The following AMPH variants were observed in gnomAD, a reference collection of about 807,000 sequenced individuals.
AMPH encodes amphiphysin (Stiff-Mann syndrome with breast cancer 128kD autoantigen).
In AMPH, 49 loss-of-function variants were observed where a neutral mutation model predicts 99.1. That is an observed-to-expected ratio of 0.49 (90% CI 0.39 to 0.63). The LOEUF (loss-of-function observed/expected upper bound fraction) is 0.63, where lower values mean the gene tolerates loss of function less well. Among genes scored for constraint, AMPH ranks in the 20% least tolerant of loss-of-function variants. The probability of loss-of-function intolerance (pLI) is 0.00; values close to 1 mark genes in which losing one functional copy is unlikely to be tolerated. For missense variants in AMPH, 759 were observed against 863.4 expected (o/e 0.88, Z 1.52); for synonymous variants, 314 against 317.3 (o/e 0.99, Z 0.11).
chr7:38,477,240 C>A (rs558684823), intron 5 of AMPH, among the ~76,000 whole-genome samples: 2 of 152,042 alleles, frequency 1.3e-5, no homozygotes, highest in East Asian at 3.9e-4. Context: ...CAGTCAAAGA[C>A]CAGAAAATAA....
chr7:38,500,120 G>A (rs1789081980), intron 3 of AMPH, among the ~76,000 whole-genome samples: 1 of 152,194 alleles, frequency 6.6e-6, no homozygotes, highest in African/African-American at 2.4e-5. Flanking sequence ...AACCCAAAAT[G>A]TGTTCCCAGG....
chr7:38,438,381 C>A (rs1786372063), intron 11 of AMPH, among the ~76,000 whole-genome samples: 1 of 152,168 alleles, frequency 6.6e-6, no homozygotes, highest in Admixed American at 6.5e-5. Flanking sequence ...GATCTATTGT[C>A]ATGGCCCCCA....
intron 17 of AMPH, among the ~76,000 whole-genome samples, chr7:38,395,206 G>A (rs1266341122): frequency 6.9e-6 from 1 of 145,976 alleles, no homozygotes. Context: ...GGTTCCAGAA[G>A]CCAAATCACT....
Position 38,562,008 on chromosome 7 carries a change from A to T in AMPH, c.70-26997T>A, listed in dbSNP as rs115759959. On this transcript the variant is annotated intron_variant, in intron 1 of 20. Transcript: ENST00000356264. ...TATGGCAGCCGAGGCTGACTAAGAC[A>T]GAAGACTTTTCCAAAAACGGTGGGA... Among the ~76,000 whole-genome samples the T allele has an allele frequency of 5.9e-3, 892 of 151,622 alleles. 13 individuals are homozygous for T. The highest frequency in any genetic ancestry group is 0.02 in the African/African-American group (844 of 41,240).
intron 20 of AMPH, among the ~76,000 whole-genome samples, chr7:38,389,519 G>T (rs1025460308): frequency 8.5e-5 from 13 of 152,144 alleles, no homozygotes; most frequent in African/African-American, 3.1e-4. Flanking sequence ...CATAGTGTCT[G>T]CATTTCCTGA....
At chr7:38,495,992 C>T (rs911358657) in intron 3 of AMPH, among the ~76,000 whole-genome samples, 20 of 152,224 alleles carry the variant, frequency 1.3e-4, no homozygotes, top group East Asian at 1.2e-3. Flanking sequence ...GATGCGCCTC[C>T]GGCAGAAGAC....
intron 1 of AMPH, among the ~76,000 whole-genome samples, chr7:38,539,651 A>T (rs545224132): frequency 2.0e-5 from 3 of 152,326 alleles, no homozygotes; most frequent in East Asian, 1.9e-4. Flanking sequence ...AAATGACCAG[A>T]TCATCTGCTG....
At chr7:38,503,783 G>C (rs922207582) in intron 2 of AMPH, 79 bp from the exon 3 acceptor site, 6 of 1,412,340 alleles carry the variant, frequency 4.2e-6, no homozygotes, top group African/African-American at 4.2e-5. Context: ...AAGTCTCAAA[G>C]TTACTATTGC....
intron 3 of AMPH, among the ~76,000 whole-genome samples, chr7:38,498,894 A>G (rs558845112): frequency 3.5e-4 from 53 of 152,256 alleles, no homozygotes; most frequent in African/African-American, 1.2e-3. Flanking sequence ...TTCTGCTTGC[A>G]TCTCACTGCT....
chr7:38,436,488 A>G (rs7796349), intron 11 of AMPH, 100 bp from the exon 12 acceptor site: 1 of 871,370 alleles, frequency 1.1e-6, no homozygotes, highest in South Asian at 1.5e-5. Flanking sequence ...ATTATTATTG[A>G]GTATCTCCAA....
At chr7:38,465,662 C>CT (rs1296896006) in intron 8 of AMPH, 113 bp from the exon 9 acceptor site, 1 of 874,530 alleles carries the variant, frequency 1.1e-6, no homozygotes, top group Non-Finnish European at 1.8e-6. Context: ...TTTATGATAG[C>CT]TTGGATGGCC....
chr7:38,620,865 A>G (rs934639661), intron 1 of AMPH, among the ~76,000 whole-genome samples: 9 of 152,180 alleles, frequency 5.9e-5, no homozygotes, highest in African/African-American at 2.2e-4. Flanking sequence ...GCTCTGTGTC[A>G]AGGGGGCAAC....
At chr7:38,424,030 A>T (rs1785691281) in intron 15 of AMPH, among the ~76,000 whole-genome samples, 1 of 152,134 alleles carries the variant, frequency 6.6e-6, no homozygotes, top group South Asian at 2.1e-4. Flanking sequence ...TTTTTTCCCC[A>T]ATCACCTCCA....
chr7:38,517,453 C>T (rs1325365494), intron 2 of AMPH, among the ~76,000 whole-genome samples: 1 of 152,200 alleles, frequency 6.6e-6, no homozygotes, highest in African/African-American at 2.4e-5. Context: ...TCCTCTTCAC[C>T]TTCTGCCATA....
intron 1 of AMPH, among the ~76,000 whole-genome samples, chr7:38,583,034 T>C (rs1792522419): frequency 6.6e-6 from 1 of 152,226 alleles, no homozygotes; most frequent in Non-Finnish European, 1.5e-5. Context: ...TCATGGTTTA[T>C]TACTGATGGG....
At chr7:38,519,635 C>G (rs1789877808) in intron 2 of AMPH, among the ~76,000 whole-genome samples, 1 of 152,102 alleles carries the variant, frequency 6.6e-6, no homozygotes, top group Non-Finnish European at 1.5e-5. Flanking sequence ...AAGACTGAAA[C>G]AACTGTGTCC....
intron 7 of AMPH, among the ~76,000 whole-genome samples, chr7:38,470,232 C>A (rs1180770662): frequency 6.6e-6 from 1 of 152,150 alleles, no homozygotes; most frequent in African/African-American, 2.4e-5. Context: ...AGAAAGCTCC[C>A]CTTGCCCTCT....
chr7:38,599,819 ATAT>A (rs1322144913), intron 1 of AMPH, among the ~76,000 whole-genome samples: 1 of 151,540 alleles, frequency 6.6e-6, no homozygotes, highest in Non-Finnish European at 1.5e-5. Flanking sequence ...TGTATTGTAA[ATAT>A]TATTTTAATA....
chr7:38,544,777 G>A (rs1471023636), intron 1 of AMPH, among the ~76,000 whole-genome samples: 1 of 152,164 alleles, frequency 6.6e-6, no homozygotes, highest in Non-Finnish European at 1.5e-5. Flanking sequence ...ACAAGCAAAA[G>A]CTCCTAGCTT....
Sources: gnomAD v4.1 joint callset for allele counts (sites outside exome capture counted in the v4.1 genomes callset) on GRCh38, gnomAD v4.1.1 for gene constraint, MANE v1.5 for transcripts, NCBI Gene and HGNC (gene_info 2026-07-23, HGNC 2026-07-21) for gene names.